METTL15: variants seen among roughly 807,000 people sequenced by gnomAD.
METTL15 encodes 12S rRNA N(4)-cytidine methyltransferase METTL15.
In METTL15, 34 loss-of-function variants were observed where a neutral mutation model predicts 38.3. The observed-to-expected ratio is 0.89, with a 90% CI of 0.68 to 1.18. The LOEUF is 1.18. Among genes scored for constraint, METTL15 ranks in the 50% most tolerant of loss-of-function variants. The pLI, the probability that METTL15 is intolerant of heterozygous loss-of-function variation, is 0.00. For missense variants in METTL15, 438 were observed against 498.4 expected (o/e 0.88, Z 1.15); for synonymous variants, 162 against 170.9 (o/e 0.95, Z 0.41).
chr11:28,331,658 TA>T lies in METTL15; in HGVS notation c.*821del. The T allele has an allele frequency of 6.6e-6, 1 of 151,970 alleles. No individual in the cohort carries two copies. The highest frequency in any genetic ancestry group is 2.1e-4 in the South Asian group (1 of 4,824). 9.4% of individuals were successfully genotyped at this position (151,970 alleles called of 1,614,324 possible). On this transcript the variant is annotated 3_prime_UTR_variant, in exon 7 of 7. Coordinates refer to ENST00000407364, the MANE Select transcript of METTL15 (RefSeq NM_001113528.2). ...ATAGAAAACTGTCTATTTAATATAG[TA>T]AAATCAATGCTCCCTTAATGTTGTT...
chr11:28,345,704 C>T (rs1011394433), intron 3 of METTL15, among the ~76,000 whole-genome samples: 2 of 152,124 alleles, frequency 1.3e-5, no homozygotes, highest in Non-Finnish European at 2.9e-5. Flanking sequence ...GGTGCGCCAA[C>T]AAGACAGCCT....
chr11:28,353,061 T>C (rs1040755408), intron 4 of METTL15, among the ~76,000 whole-genome samples: 10 of 152,130 alleles, frequency 6.6e-5, no homozygotes, highest in Admixed American at 2.6e-4. Flanking sequence ...AGGATTTAAG[T>C]GTCATACAGC....
intron 6 of METTL15, among the ~76,000 whole-genome samples, chr11:28,508,793 TG>T (rs1215931044): frequency 6.6e-6 from 1 of 152,202 alleles, no homozygotes; most frequent in Non-Finnish European, 1.5e-5. Flanking sequence ...TGCAATCATT[TG>T]GTATTTAAGG....
intron 4 of METTL15, among the ~76,000 whole-genome samples, chr11:28,215,555 G>C (rs1018888424): frequency 5.9e-5 from 9 of 151,978 alleles, no homozygotes; most frequent in Admixed American, 4.6e-4. Context: ...ACAGTACCTA[G>C]AAAGGGAAAT....
At chr11:28,338,089 T>C (rs1849917770), downstream of METTL15, among the ~76,000 whole-genome samples, 1 of 151,774 alleles carries the variant, frequency 6.6e-6, no homozygotes, top group Non-Finnish European at 1.5e-5. Flanking sequence ...TTTTTTTTTT[T>C]CCTGTCTTCA....
chr11:28,200,896 G>A (rs1283654839), intron 3 of METTL15, among the ~76,000 whole-genome samples: 1 of 151,936 alleles, frequency 6.6e-6, no homozygotes, highest in Non-Finnish European at 1.5e-5. Flanking sequence ...AATCCCCTTT[G>A]TTTCTTTCTC....
At chr11:28,168,894 C>T (rs942678495) in intron 3 of METTL15, among the ~76,000 whole-genome samples, 6 of 152,050 alleles carry the variant, frequency 3.9e-5, no homozygotes, top group Non-Finnish European at 5.9e-5. Context: ...GAAGCCAGAG[C>T]GTAAGACAGA....
intron 3 of METTL15, 37 bp from the exon 4 acceptor site, chr11:28,211,025 A>T: frequency 6.3e-7 from 1 of 1,585,650 alleles, no homozygotes; most frequent in Non-Finnish European, 8.6e-7. Flanking sequence ...AGTTTTGTTT[A>T]TGCTAAGTTG....
chr11:28,196,834 G>T (rs531795542), intron 3 of METTL15, among the ~76,000 whole-genome samples: 2 of 151,944 alleles, frequency 1.3e-5, no homozygotes, highest in East Asian at 3.9e-4. Flanking sequence ...TATTTCAAAT[G>T]CCTGTTTCTA....
intron 6 of METTL15, among the ~76,000 whole-genome samples, chr11:28,506,283 T>C (rs1332450949): frequency 6.6e-6 from 1 of 152,234 alleles, no homozygotes; most frequent in East Asian, 1.9e-4. Context: ...CCTATTTTGA[T>C]ATTTCCTGTG....
chr11:28,312,857 C>T (rs1377450384), intron 6 of METTL15, among the ~76,000 whole-genome samples: 1 of 152,114 alleles, frequency 6.6e-6, no homozygotes, highest in African/African-American at 2.4e-5. Flanking sequence ...TTCATGAGGA[C>T]AGTCTCATGA....
intron 6 of METTL15, among the ~76,000 whole-genome samples, chr11:28,512,036 C>G (rs1323043460): frequency 1.4e-4 from 22 of 152,092 alleles, no homozygotes. Context: ...GGTGCATTCA[C>G]AAACCCTGAG....
intron 4 of METTL15, among the ~76,000 whole-genome samples, chr11:28,236,267 T>C (rs1853964948): frequency 6.6e-6 from 1 of 152,196 alleles, no homozygotes. Flanking sequence ...TCTAAAATTC[T>C]CTTTTTTGGT....
intron 6 of METTL15, among the ~76,000 whole-genome samples, chr11:28,301,584 C>G (rs909753591): frequency 6.6e-6 from 1 of 151,678 alleles, no homozygotes; most frequent in Non-Finnish European, 1.5e-5. Flanking sequence ...AAAATATGCA[C>G]CAGATTTTGA....
At chr11:28,345,923 A>G (rs919219590) in intron 3 of METTL15, among the ~76,000 whole-genome samples, 2 of 152,238 alleles carry the variant, frequency 1.3e-5, no homozygotes, top group African/African-American at 2.4e-5. Context: ...AATGACATTT[A>G]TAATGAAAGG....
At chr11:28,133,596 AT>A (rs762852768) in intron 3 of METTL15, among the ~76,000 whole-genome samples, 6 of 152,160 alleles carry the variant, frequency 3.9e-5, no homozygotes, top group Non-Finnish European at 8.8e-5. Flanking sequence ...CATAAAATAA[AT>A]TTTGGCTTCT....
chr11:28,242,421 A>T (rs1388228567), intron 4 of METTL15, among the ~76,000 whole-genome samples: 4 of 152,324 alleles, frequency 2.6e-5, no homozygotes, highest in East Asian at 1.9e-4. Flanking sequence ...ATTATTGAGC[A>T]TGAACTAAAG....
At chr11:28,326,118 A>G (rs1048557003) in intron 6 of METTL15, among the ~76,000 whole-genome samples, 1 of 152,216 alleles carries the variant, frequency 6.6e-6, no homozygotes, top group African/African-American at 2.4e-5. Context: ...AAAGCAGAAC[A>G]ATAAGTTTCT....
At chr11:28,157,750 G>C (rs1364830503) in intron 3 of METTL15, among the ~76,000 whole-genome samples, 1 of 152,152 alleles carries the variant, frequency 6.6e-6, no homozygotes, top group Non-Finnish European at 1.5e-5. Flanking sequence ...ACATGAGGAA[G>C]TGGCGCAAAT....
Sources: gnomAD v4.1 joint callset for allele counts (sites outside exome capture counted in the v4.1 genomes callset) on GRCh38, gnomAD v4.1.1 for gene constraint, MANE v1.5 for transcripts, NCBI Gene and HGNC (gene_info 2026-07-23, HGNC 2026-07-21) for gene names.